Variants in MICU1 observed in about 807,000 individuals in gnomAD.
The protein encoded by MICU1 is calcium uptake protein 1, mitochondrial.
In MICU1, 45 loss-of-function variants were observed where a neutral mutation model predicts 56.8. The observed-to-expected ratio is 0.79, with a 90% confidence interval of 0.62 to 1.02. MICU1 has a LOEUF of 1.02. Among genes scored for constraint, MICU1 ranks in the 50% least tolerant of loss-of-function variants. The pLI, the probability that MICU1 is intolerant of heterozygous loss-of-function variation, is 0.00. For missense variants in MICU1, 504 were observed against 587.1 expected, an observed-to-expected ratio of 0.86 and a Z score of 1.46; for synonymous variants, 186 against 195.1, an observed-to-expected ratio of 0.95 and a Z score of 0.39.
chr10:72,616,686 G>T (rs1157287429), intron 1 of MICU1, among the ~76,000 whole-genome samples: 1 of 150,572 alleles, frequency 6.6e-6, no homozygotes, highest in Non-Finnish European at 1.5e-5. Context: ...TCCTAATTCG[G>T]CAAGTATTGT....
intron 10 of MICU1, among the ~76,000 whole-genome samples, chr10:72,405,826 C>T (rs957541428): frequency 6.6e-6 from 1 of 151,888 alleles, no homozygotes; most frequent in Non-Finnish European, 1.5e-5. Flanking sequence ...TTTCAAATAA[C>T]AGAAAATAAT....
At chr10:72,547,223 G>C (rs1839918413) in intron 4 of MICU1, among the ~76,000 whole-genome samples, 1 of 151,766 alleles carries the variant, frequency 6.6e-6, no homozygotes, top group Non-Finnish European at 1.5e-5. Flanking sequence ...TATTTTTATA[G>C]AGACAGGGTC....
chr10:72,526,932 C>CAAAAAAAAA (rs57033966), intron 5 of MICU1, among the ~76,000 whole-genome samples: 1 of 127,638 alleles, frequency 7.8e-6, no homozygotes, highest in African/African-American at 3.3e-5. Context: ...GTAATGGCTT[C>CAAAAAAAAA]AAAAAAAAAA....
At chr10:72,581,706 C>T (rs1840904181) in intron 1 of MICU1, among the ~76,000 whole-genome samples, 1 of 152,110 alleles carries the variant, frequency 6.6e-6, no homozygotes, top group Non-Finnish European at 1.5e-5. Flanking sequence ...AAAAACTTAG[C>T]TTATCATTCT....
intron 1 of MICU1, among the ~76,000 whole-genome samples, chr10:72,602,710 T>A (rs74148028): frequency 6.6e-6 from 1 of 152,184 alleles, no homozygotes; most frequent in Admixed American, 6.5e-5. Context: ...CCATTGAACA[T>A]GCAGCATATC....
At chr10:72,467,333 G>A (rs1341751477) in intron 8 of MICU1, among the ~76,000 whole-genome samples, 1 of 152,128 alleles carries the variant, frequency 6.6e-6, no homozygotes, top group African/African-American at 2.4e-5. Context: ...ACAGGGACAT[G>A]CCACCACACC....
chr10:72,517,480 G>C (rs974777040), intron 5 of MICU1, among the ~76,000 whole-genome samples: 29 of 152,306 alleles, frequency 1.9e-4, no homozygotes, highest in African/African-American at 6.5e-4. Flanking sequence ...CAGCAACTTG[G>C]ATAGGACTGG....
rs1864878835 is a variant in MICU1, at chr10:72,440,344, A to T, written c.934-16973T>A. Among the ~76,000 whole-genome samples the T allele has an allele frequency of 2.0e-5, 3 of 152,372 alleles. No homozygotes were observed. The South Asian group carries it at 6.2e-4, about 32-fold the overall frequency. Reference sequence around the variant, plus strand: ...ATGGTGCTGGGAAAACTGGCTAGCCATATGTAGAAGGCTGAAACTGGATCC... The same window carrying T: ...ATGGTGCTGGGAAAACTGGCTAGCCTTATGTAGAAGGCTGAAACTGGATCC... On this transcript the variant is annotated intron_variant, in intron 8 of 11. Coordinates refer to ENST00000361114, the MANE Select transcript of MICU1 (RefSeq NM_001195518.2).
intron 1 of MICU1, among the ~76,000 whole-genome samples, chr10:72,600,681 T>A (rs3009542): frequency 6.7e-6 from 1 of 149,832 alleles, no homozygotes; most frequent in African/African-American, 2.5e-5. Flanking sequence ...AAGAAATTCA[T>A]GCTAGTTTTG....
intron 8 of MICU1, among the ~76,000 whole-genome samples, chr10:72,464,508 AG>A (rs1865732042): frequency 6.6e-6 from 1 of 152,144 alleles, no homozygotes; most frequent in South Asian, 2.1e-4. Context: ...ATACTGTACT[AG>A]TAAAATACAG....
At chr10:72,444,439 T>A (rs1231529344) in intron 8 of MICU1, among the ~76,000 whole-genome samples, 3 of 150,786 alleles carry the variant, frequency 2.0e-5, no homozygotes, top group African/African-American at 7.3e-5. Flanking sequence ...TGTGAGAGTC[T>A]TTGCCTTTTT....
intron 10 of MICU1, among the ~76,000 whole-genome samples, chr10:72,395,385 T>C (rs1863215247): frequency 2.0e-5 from 3 of 152,164 alleles, no homozygotes; most frequent in South Asian, 2.1e-4. Flanking sequence ...ATGGGTGATT[T>C]CTGCATTTAC....
chr10:72,569,126 C>CA, intron 1 of MICU1, among the ~76,000 whole-genome samples: 1 of 146,982 alleles, frequency 6.8e-6, no homozygotes. Flanking sequence ...CCCAGAAAGC[C>CA]AAAAACTATC....
intron 1 of MICU1, among the ~76,000 whole-genome samples, chr10:72,584,160 T>A (rs1227532346): frequency 6.6e-6 from 1 of 152,216 alleles, no homozygotes; most frequent in Non-Finnish European, 1.5e-5. Context: ...CACCTTCTGA[T>A]ACTCTCTGAA....
At chr10:72,558,591 C>T (rs1044562287) in intron 3 of MICU1, among the ~76,000 whole-genome samples, 3 of 152,056 alleles carry the variant, frequency 2.0e-5, no homozygotes. Context: ...TCATTTAGAG[C>T]ATTTTCCGCA....
chr10:72,541,982 T>C (rs1236575932), intron 4 of MICU1, among the ~76,000 whole-genome samples: 1 of 152,192 alleles, frequency 6.6e-6, no homozygotes, highest in African/African-American at 2.4e-5. Flanking sequence ...ACCTGTTCTT[T>C]ACATAAAAGT....
At chr10:72,583,283 T>A (rs1589365561) in intron 1 of MICU1, among the ~76,000 whole-genome samples, 1 of 18,480 alleles carries the variant, frequency 5.4e-5, no homozygotes, top group South Asian at 6.9e-4. Flanking sequence ...GCTGAATGCA[T>A]TTTTTTTTTT....
intron 1 of MICU1, among the ~76,000 whole-genome samples, chr10:72,594,102 G>A (rs1272031354): frequency 6.6e-6 from 1 of 152,204 alleles, no homozygotes. Context: ...CACACTTCCT[G>A]ATTTCAGAAC....
At chr10:72,513,158 T>C (rs942847965) in intron 5 of MICU1, among the ~76,000 whole-genome samples, 1 of 152,182 alleles carries the variant, frequency 6.6e-6, no homozygotes, top group Non-Finnish European at 1.5e-5. Flanking sequence ...CAGCACCATT[T>C]ACATTCCCAT....
Sources: gnomAD v4.1 joint callset for allele counts (sites outside exome capture counted in the v4.1 genomes callset) on GRCh38, gnomAD v4.1.1 for gene constraint, MANE v1.5 for transcripts, NCBI Gene and HGNC (gene_info 2026-07-23, HGNC 2026-07-21) for gene names.